CDH18: variants seen among roughly 807,000 people sequenced by gnomAD.
CDH18 encodes cadherin-18.
CDH18 carries 31 observed loss-of-function variants against 67.9 expected under a neutral mutation model. The ratio of observed to expected loss-of-function variants is 0.46; its 90% CI spans 0.34 to 0.62. The LOEUF (loss-of-function observed/expected upper bound fraction) is 0.62, where lower values mean the gene tolerates loss of function less well. Ranked by LOEUF, CDH18 falls within the 20% of genes least tolerant of loss-of-function variation. CDH18 has a pLI of 0.01. For missense variants in CDH18, 890 were observed against 975.5 expected, an observed-to-expected ratio of 0.91 and a Z score of 1.17; for synonymous variants, 362 against 347.2, an observed-to-expected ratio of 1.04 and a Z score of -0.48.
At chr5:20,041,010 C>T (rs1279098413) in intron 2 of CDH18, among the ~76,000 whole-genome samples, 5 of 152,074 alleles carry the variant, frequency 3.3e-5, no homozygotes, top group South Asian at 2.1e-4. Flanking sequence ...TTTATGAGAG[C>T]GGTAACATTA....
intron 9 of CDH18, among the ~76,000 whole-genome samples, chr5:19,537,066 C>T (rs1234290593): frequency 6.6e-6 from 1 of 152,164 alleles, no homozygotes; most frequent in African/African-American, 2.4e-5. Context: ...TGTATAGTTA[C>T]ACATTATTCT....
Position 19,994,465 on chromosome 5 carries a change from T to A in CDH18, c.-517-2451A>T, listed in dbSNP as rs1443771852. ...CAAGTTTTTGATATAAACAATGCTT[T>A]AATGAACATCTCCGTTTATAAATTT... On this transcript the variant is annotated intron_variant, in intron 2 of 14. Transcript: ENST00000507958. Among the ~76,000 whole-genome samples the A allele has an allele frequency of 2.0e-5, 3 of 150,806 alleles. No homozygotes were observed. The East Asian group carries it at 5.9e-4, about 30-fold the overall frequency.
chr5:20,056,742 G>T lies in CDH18; in HGVS notation c.-517-64728C>A, dbSNP rs1208257920. Among the ~76,000 whole-genome samples the T allele has an allele frequency of 5.8e-5, 8 of 137,588 alleles. No homozygotes were observed. The Admixed American group carries it at 6.4e-4, about 11-fold the overall frequency. 90.3% of individuals were successfully genotyped at this position (137,588 alleles called of 152,430 possible). A position where few individuals can be genotyped will look rare whatever the true frequency, so the allele number is the denominator to read the frequency against. On this transcript the variant is annotated intron_variant, in intron 2 of 14. Coordinates refer to the CDH18 transcript ENST00000507958. ...ACTGTCGCCCAGGCTGGAGTGCGGT[G>T]GTGCGATCTCGGCTCACTGCAAGCT...
intron 1 of CDH18, among the ~76,000 whole-genome samples, chr5:20,542,273 AGAG>A (rs80068440): frequency 0.18 from 26,651 of 151,842 alleles, 2,853 homozygotes; most frequent in East Asian, 0.39. Context: ...ATCAGCAGAA[AGAG>A]GAGAAGGGAT....
At chr5:20,204,019 G>T (rs1042333553) in intron 2 of CDH18, among the ~76,000 whole-genome samples, 1 of 151,936 alleles carries the variant, frequency 6.6e-6, no homozygotes, top group African/African-American at 2.4e-5. Flanking sequence ...TATCTGAAAA[G>T]ACAAATATAA....
chr5:20,299,278 A>C lies in CDH18; in HGVS notation c.-579-43773T>G, dbSNP rs577578206. 9.7e-4 allele frequency among the ~76,000 whole-genome samples: 147 copies of C among 152,174 alleles called. 1 individual carries two copies. Among genetic ancestry groups the C allele is most frequent in the Non-Finnish European group, 1.6e-3 (107 of 68,032 alleles). ...ATAAAAACATGGTTGAATTCTGCAC[A>C]AAATGGATGTGGTTTGTCATCAAAA... On this transcript the variant is annotated intron_variant, in intron 1 of 14. Transcript: ENST00000507958.
intron 2 of CDH18, among the ~76,000 whole-genome samples, chr5:20,048,057 C>A (rs1741063659): frequency 6.6e-6 from 1 of 151,720 alleles, no homozygotes; most frequent in Admixed American, 6.6e-5. Context: ...AATAATTCCA[C>A]ATAATTTTCC....
At chr5:20,360,325 A>T (rs1470575001) in intron 1 of CDH18, among the ~76,000 whole-genome samples, 4 of 152,116 alleles carry the variant, frequency 2.6e-5, no homozygotes, top group Non-Finnish European at 4.4e-5. Context: ...CTCTAGACGG[A>T]TTAAAGAAAG....
At chr5:19,734,925 T>A (rs751236362) in intron 4 of CDH18, among the ~76,000 whole-genome samples, 1 of 152,180 alleles carries the variant, frequency 6.6e-6, no homozygotes, top group Non-Finnish European at 1.5e-5. Context: ...AACCCTAAAT[T>A]TTAGAGTCTT....
intron 3 of CDH18, among the ~76,000 whole-genome samples, chr5:19,783,246 G>A (rs1775335779): frequency 6.6e-6 from 1 of 152,068 alleles, no homozygotes; most frequent in Non-Finnish European, 1.5e-5. Context: ...ATTGTGATAG[G>A]CTTCTTTTCA....
intron 2 of CDH18, among the ~76,000 whole-genome samples, chr5:20,024,113 C>G (rs1259963334): frequency 6.6e-6 from 1 of 152,204 alleles, no homozygotes; most frequent in Non-Finnish European, 1.5e-5. Context: ...AAAAGCTAAT[C>G]TCATCATAAA....
At chr5:19,905,228 G>C (rs1790404553) in intron 2 of CDH18, among the ~76,000 whole-genome samples, 1 of 152,048 alleles carries the variant, frequency 6.6e-6, no homozygotes, top group Non-Finnish European at 1.5e-5. Context: ...CAATAATACT[G>C]TTGCTACATT....
chr5:20,231,071 G>T (rs1442181447), intron 2 of CDH18, among the ~76,000 whole-genome samples: 4 of 152,168 alleles, frequency 2.6e-5, no homozygotes, highest in African/African-American at 9.7e-5. Context: ...ATGATAGTAA[G>T]CTCCATTCAT....
rs1748405263 is a variant in CDH18 at position 19,608,344 on chromosome 5, T to C, written c.811+4090A>G. Among the ~76,000 whole-genome samples, 2 of 151,682 alleles carry C rather than the reference T, an allele frequency of 1.3e-5. 1 individual carries two copies. Among genetic ancestry groups the C allele is most frequent in the South Asian group, 4.2e-4 (2 of 4,818 alleles). Reference sequence around the variant, plus strand: ...TCAAAAGACACTAGAAAGACCTCAATTCTTTGATAATTAAAAAAAATCCTG... The same window carrying C: ...TCAAAAGACACTAGAAAGACCTCAACTCTTTGATAATTAAAAAAAATCCTG... On this transcript the variant is annotated intron_variant, in intron 6 of 12. Transcript: ENST00000382275.
chr5:19,879,446 C>T (rs1056365800), intron 2 of CDH18, among the ~76,000 whole-genome samples: 1 of 151,878 alleles, frequency 6.6e-6, no homozygotes. Context: ...TGTTCTAGTT[C>T]ACTGTTTAAA....
intron 3 of CDH18, among the ~76,000 whole-genome samples, chr5:19,761,235 T>C (rs1296243731): frequency 6.6e-6 from 1 of 152,172 alleles, no homozygotes; most frequent in South Asian, 2.1e-4. Context: ...TCTTAGCAAA[T>C]TTGAGGCTCA....
In CDH18 at chr5:19,503,736, T is replaced by C. The variant is rs1045444740; in HGVS notation, c.1513-627A>G. 1.1e-4 allele frequency among the ~76,000 whole-genome samples: 16 copies of C among 152,232 alleles called. No homozygotes were observed. The East Asian group carries it at 1.5e-3, about 15-fold the overall frequency. On this transcript the variant is annotated intron_variant, in intron 10 of 12. Coordinates refer to ENST00000382275, the MANE Select transcript of CDH18 (RefSeq NM_004934.5). ...CTCAGGAGAAAGCAATTCTTTAGAA[T>C]CTGGACTTAATGTACACTAAAAAGC...
At chr5:20,480,917 A>G (rs1235079052) in intron 1 of CDH18, among the ~76,000 whole-genome samples, 1 of 152,172 alleles carries the variant, frequency 6.6e-6, no homozygotes, top group Non-Finnish European at 1.5e-5. Context: ...TCATATTCAC[A>G]AAAATTTGGA....
In CDH18 at chr5:19,483,548, G is replaced by A; in HGVS notation, c.1635C>T (p.Asn545=). 1 of 1,609,468 alleles carries A rather than the reference G, an allele frequency of 6.2e-7. No homozygotes were observed. Among genetic ancestry groups the A allele is most frequent in the Admixed American group, 1.7e-5 (1 of 59,646 alleles). Residue 545 remains asparagine (N), a synonymous_variant, in exon 12 of 13, where the codon AAC becomes AAT. Coordinates refer to ENST00000382275, the MANE Select transcript of CDH18 (RefSeq NM_004934.5). The stretch of plus-strand genomic sequence containing the variant: ...TCCGCCTTGTCAGAATGCTGGCTGT[G>A]TTATCTATGATAGACATAAGCAAAA... ...PNFTLKDNED[N]TASILTRRRR...
Sources: allele counts gnomAD v4.1 joint callset (sites outside exome capture counted in the v4.1 genomes callset), GRCh38; gene constraint gnomAD v4.1.1; transcripts MANE v1.5; gene names NCBI Gene and HGNC (gene_info 2026-07-23, HGNC 2026-07-21).